DNAAF11: variants seen among roughly 807,000 people sequenced by gnomAD.
The protein encoded by DNAAF11 is leucine rich repeat containing 6.
DNAAF11 carries 45 observed loss-of-function variants against 60.8 expected under a neutral mutation model. The observed-to-expected ratio is 0.74, with a 90% CI of 0.58 to 0.95. The LOEUF (loss-of-function observed/expected upper bound fraction) is 0.95, where lower values mean the gene tolerates loss of function less well. Ranked by LOEUF, DNAAF11 falls within the 40% of genes least tolerant of loss-of-function variation. DNAAF11 has a pLI of 0.00. For missense variants in DNAAF11, 546 were observed against 546.2 expected, an observed-to-expected ratio of 1.00 and a Z score of 0.00; for synonymous variants, 191 against 183.5, an observed-to-expected ratio of 1.04 and a Z score of -0.33.
intron 11 of DNAAF11, among the ~76,000 whole-genome samples, chr8:132,581,414 C>A (rs1815309990): frequency 6.6e-6 from 1 of 152,010 alleles, no homozygotes; most frequent in Non-Finnish European, 1.5e-5. Context: ...CTTTGGGAGG[C>A]CAAGGCAGGC....
chr8:132,622,964 A>C (rs1193332520), intron 6 of DNAAF11, among the ~76,000 whole-genome samples: 2 of 152,180 alleles, frequency 1.3e-5, no homozygotes, highest in African/African-American at 2.4e-5. Flanking sequence ...TGAGGGAAGA[A>C]AACTCCTTTT....
At chr8:132,679,289 T>C (rs1825831355), upstream of DNAAF11, among the ~76,000 whole-genome samples, 1 of 152,204 alleles carries the variant, frequency 6.6e-6, no homozygotes, top group Non-Finnish European at 1.5e-5. Context: ...CTGACACTTA[T>C]TGGGTGCTCA....
chr8:132,614,315 CCT>C (rs1424736487), intron 8 of DNAAF11, among the ~76,000 whole-genome samples: 11 of 152,116 alleles, frequency 7.2e-5, no homozygotes, highest in Non-Finnish European at 1.3e-4. Context: ...AGGCAAGCAG[CCT>C]CTGAGATGGT....
chr8:132,640,629 C>G (rs1368779511), intron 3 of DNAAF11, among the ~76,000 whole-genome samples: 2 of 152,100 alleles, frequency 1.3e-5, no homozygotes, highest in Non-Finnish European at 2.9e-5. Flanking sequence ...ACTCTCTTAA[C>G]TTCTTCATGT....
intron 3 of DNAAF11, among the ~76,000 whole-genome samples, chr8:132,641,934 AAAGT>A (rs1292560461): frequency 2.0e-5 from 3 of 152,210 alleles, no homozygotes; most frequent in South Asian, 4.1e-4. Flanking sequence ...GAAAATGGAA[AAAGT>A]AAGATATAAC....
intron 3 of DNAAF11, among the ~76,000 whole-genome samples, chr8:132,655,490 C>T (rs1823459627): frequency 6.6e-6 from 1 of 152,074 alleles, no homozygotes. Flanking sequence ...AACAACTGTG[C>T]CTCAGAGGCC....
At chr8:132,579,663 C>T (rs1331393589) in intron 11 of DNAAF11, among the ~76,000 whole-genome samples, 3 of 152,098 alleles carry the variant, frequency 2.0e-5, no homozygotes, top group Admixed American at 2.0e-4. Context: ...GGTCCAAGGT[C>T]ACTCAGATGG....
At chr8:132,614,839 T>C (rs1319423227) in intron 8 of DNAAF11, among the ~76,000 whole-genome samples, 199 bp downstream of exon 8, 2 of 152,232 alleles carry the variant, frequency 1.3e-5, no homozygotes, top group Non-Finnish European at 2.9e-5. Context: ...TTCATATCCA[T>C]GAAATTGTGG....
rs190396223 is a variant in DNAAF11 at position 132,573,702 on chromosome 8, C to G, written c.1227-1222G>C. Among the ~76,000 whole-genome samples, 32 of 152,202 alleles carry G rather than the reference C, an allele frequency of 2.1e-4. No homozygotes were observed. The South Asian group carries it at 2.5e-3, about 12-fold the overall frequency. On this transcript the variant is annotated intron_variant, in intron 11 of 11. Transcript: ENST00000620350. ...CAGACTAAGCTCATTCCATGAACAC[C>G]CTTTGTCAGGGTGTTCTTCTGAAAG...
intron 7 of DNAAF11, among the ~76,000 whole-genome samples, chr8:132,616,309 C>T (rs1233937340): frequency 4.6e-5 from 7 of 152,012 alleles, no homozygotes; most frequent in African/African-American, 1.4e-4. Flanking sequence ...AGCGTGTATC[C>T]TTTCTTCCCT....
the DNAAF11 span, among the ~76,000 whole-genome samples, chr8:132,685,904 C>T: frequency 2.0e-5 from 3 of 152,046 alleles, no homozygotes; most frequent in Non-Finnish European, 4.4e-5. Context: ...ATCCAATGAC[C>T]CTTTTTTTTC....
At chr8:132,626,200 T>C (rs891318999) in intron 5 of DNAAF11, among the ~76,000 whole-genome samples, 20 of 151,988 alleles carry the variant, frequency 1.3e-4, no homozygotes, top group African/African-American at 3.9e-4. Flanking sequence ...TACAGGCGCC[T>C]GCCACCACAC....
chr8:132,627,014 T>C (rs1447407175), intron 5 of DNAAF11, among the ~76,000 whole-genome samples: 1 of 152,224 alleles, frequency 6.6e-6, no homozygotes, highest in East Asian at 1.9e-4. Context: ...AAATTCTGCT[T>C]AGATTCTTTG....
At chr8:132,672,946 G>A (rs1825327865) in intron 1 of DNAAF11, among the ~76,000 whole-genome samples, 1 of 152,124 alleles carries the variant, frequency 6.6e-6, no homozygotes, top group Non-Finnish European at 1.5e-5. Flanking sequence ...TCTAAAACCT[G>A]TACTAATGAC....
intron 5 of DNAAF11, among the ~76,000 whole-genome samples, chr8:132,631,821 C>G (rs1433127442): frequency 6.6e-6 from 1 of 151,858 alleles, no homozygotes; most frequent in Non-Finnish European, 1.5e-5. Flanking sequence ...ACAATGAGAA[C>G]ACATGGACAC....
At chr8:132,649,248 A>C (rs940955636) in intron 3 of DNAAF11, among the ~76,000 whole-genome samples, 6 of 152,220 alleles carry the variant, frequency 3.9e-5, no homozygotes, top group African/African-American at 1.4e-4. Context: ...GACAAACCTG[A>C]CAAAAACAAG....
chr8:132,645,796 A>G (rs1024487174), intron 3 of DNAAF11, among the ~76,000 whole-genome samples: 10 of 152,086 alleles, frequency 6.6e-5, no homozygotes, highest in African/African-American at 2.4e-4. Context: ...AAAAAAGAGT[A>G]AAAAGAAATG....
chr8:132,598,630 G>T (rs1817267465), intron 10 of DNAAF11, among the ~76,000 whole-genome samples: 1 of 152,108 alleles, frequency 6.6e-6, no homozygotes, highest in South Asian at 2.1e-4. Context: ...TGTGCAGTGG[G>T]TATACATGTA....
chr8:132,602,867 T>C (rs999859372), intron 10 of DNAAF11, among the ~76,000 whole-genome samples: 4 of 152,008 alleles, frequency 2.6e-5, no homozygotes, highest in African/African-American at 9.7e-5. Context: ...TTGCCAGGCA[T>C]GTGTGGGTGT....
Sources: gnomAD v4.1 joint callset for allele counts (sites outside exome capture counted in the v4.1 genomes callset) on GRCh38, gnomAD v4.1.1 for gene constraint, MANE v1.5 for transcripts, NCBI Gene and HGNC (gene_info 2026-07-23, HGNC 2026-07-21) for gene names.